BRINP3: variants seen among roughly 807,000 people sequenced by gnomAD.
The protein encoded by BRINP3 is BMP/retinoic acid inducible neural specific 3.
BRINP3 carries 19 observed loss-of-function variants against 71.0 expected under a neutral mutation model. The ratio of observed to expected loss-of-function variants is 0.27; its 90% CI spans 0.19 to 0.39. BRINP3 has a LOEUF of 0.39. Ranked by LOEUF, BRINP3 falls within the 10% of genes least tolerant of loss-of-function variation. The probability of loss-of-function intolerance (pLI) is 1.00; values close to 1 mark genes in which losing one functional copy is unlikely to be tolerated. For synonymous variants in BRINP3, 380 were observed against 337.7 expected, an observed-to-expected ratio of 1.13 and a Z score of -1.37; for missense variants, 959 against 940.8, an observed-to-expected ratio of 1.02 and a Z score of -0.25.
intron 4 of BRINP3, among the ~76,000 whole-genome samples, chr1:190,253,795 C>G (rs1660380796): frequency 6.6e-6 from 1 of 151,832 alleles, no homozygotes; most frequent in Non-Finnish European, 1.5e-5. Context: ...TGTATTTTGG[C>G]TTTTGTTGCC....
chr1:190,148,643 A>ATAAG (rs1413746422), intron 7 of BRINP3, among the ~76,000 whole-genome samples: 2 of 148,978 alleles, frequency 1.3e-5, no homozygotes, highest in African/African-American at 5.0e-5. Flanking sequence ...AAATAAATAA[A>ATAAG]TAAATAAATT....
intron 6 of BRINP3, among the ~76,000 whole-genome samples, chr1:190,183,937 A>G (rs1049009387): frequency 6.6e-6 from 1 of 152,132 alleles, no homozygotes; most frequent in African/African-American, 2.4e-5. Flanking sequence ...ATTGTTGTCT[A>G]TCTTGCTAGG....
At chr1:190,443,339 AGCTT>A (rs2102569093) in intron 2 of BRINP3, among the ~76,000 whole-genome samples, 1 of 151,080 alleles carries the variant, frequency 6.6e-6, no homozygotes, top group East Asian at 2.0e-4. Context: ...AGGGAGGCGG[AGCTT>A]GCAGTGAGCC....
In BRINP3 at chr1:190,356,895, T is replaced by C. The variant is rs377234987; in HGVS notation, c.237-75145A>G. On this transcript the variant is annotated intron_variant, in intron 2 of 7. Coordinates refer to ENST00000367462, the MANE Select transcript of BRINP3 (RefSeq NM_199051.3). ...TTAATAAATATGTGGTTGACTTCAGTAATTTCATTAGGCAAGATTCACTCA... is the reference window on the plus strand; with the variant it reads ...TTAATAAATATGTGGTTGACTTCAGCAATTTCATTAGGCAAGATTCACTCA... Among the ~76,000 whole-genome samples the C allele has an allele frequency of 9.9e-5, 15 of 152,144 alleles. No homozygotes were observed. In the East Asian group the frequency reaches 2.5e-3, roughly 26 times the overall value.
At chr1:190,298,184 C>T (rs1381776530) in intron 2 of BRINP3, among the ~76,000 whole-genome samples, 2 of 152,108 alleles carry the variant, frequency 1.3e-5, no homozygotes, top group East Asian at 3.8e-4. Context: ...TTGTGTAGTG[C>T]TAACCACTGT....
chr1:190,234,280 T>C (rs1658304441), intron 5 of BRINP3, 92 bp downstream of exon 5: 15 of 791,314 alleles, frequency 1.9e-5, no homozygotes. Context: ...CCTGTATGTA[T>C]ATGCAGTTTA....
chr1:190,471,914 A>G (rs1343319764), intron 1 of BRINP3, among the ~76,000 whole-genome samples: 10 of 151,500 alleles, frequency 6.6e-5, no homozygotes. Flanking sequence ...TTTAAATTAC[A>G]CATATTGAAA....
chr1:190,249,476 A>G (rs1337918672), intron 4 of BRINP3, among the ~76,000 whole-genome samples: 3 of 151,938 alleles, frequency 2.0e-5, no homozygotes, highest in Admixed American at 1.3e-4. Context: ...TATTAAAACA[A>G]AAAAATTAAT....
At chr1:190,112,767 T>C (rs776677229) in intron 7 of BRINP3, among the ~76,000 whole-genome samples, 3 of 152,122 alleles carry the variant, frequency 2.0e-5, no homozygotes, top group Non-Finnish European at 4.4e-5. Context: ...ATTTCCCTAG[T>C]CCTCTAAATT....
chr1:190,251,215 T>G lies in BRINP3; in HGVS notation c.618+13650A>C, dbSNP rs1262645836. ...ATTTTTCTGTGTTAGAGCTTATTCC[T>G]GAGTCCTATGTATTTGCTTGAACTT... On this transcript the variant is annotated intron_variant, in intron 4 of 7. Coordinates refer to ENST00000367462, the MANE Select transcript of BRINP3 (RefSeq NM_199051.3). 2.6e-5 allele frequency among the ~76,000 whole-genome samples: 4 copies of G among 151,972 alleles called. No individual in the cohort carries two copies. In the Admixed American group the frequency reaches 2.6e-4, roughly 10 times the overall value.
intron 7 of BRINP3, among the ~76,000 whole-genome samples, chr1:190,140,483 A>G (rs1432588444): frequency 1.3e-5 from 2 of 152,150 alleles, no homozygotes; most frequent in Non-Finnish European, 2.9e-5. Flanking sequence ...ACACAGAACT[A>G]TATTTACACA....
At chr1:190,142,569 T>C (rs1655544868) in intron 7 of BRINP3, among the ~76,000 whole-genome samples, 1 of 152,178 alleles carries the variant, frequency 6.6e-6, no homozygotes, top group Non-Finnish European at 1.5e-5. Context: ...ATAGTTTATC[T>C]TGGATACTAA....
At chr1:190,258,447 T>C (rs975483979) in intron 4 of BRINP3, among the ~76,000 whole-genome samples, 14 of 151,894 alleles carry the variant, frequency 9.2e-5, no homozygotes, top group Admixed American at 2.0e-4. Flanking sequence ...TACAGAAAAT[T>C]CAATAAAACT....
At chr1:190,373,786 C>T (rs1471961488) in intron 2 of BRINP3, among the ~76,000 whole-genome samples, 1 of 151,544 alleles carries the variant, frequency 6.6e-6, no homozygotes. Context: ...TAGTTTGCTG[C>T]AGAAGTAATT....
intron 1 of BRINP3, among the ~76,000 whole-genome samples, chr1:190,455,843 C>G (rs1174135577): frequency 6.6e-6 from 1 of 152,076 alleles, no homozygotes; most frequent in Non-Finnish European, 1.5e-5. Flanking sequence ...GACGTATAAT[C>G]CCAGTATGGT....
intron 5 of BRINP3, among the ~76,000 whole-genome samples, chr1:190,231,991 T>A (rs1658039260): frequency 6.6e-6 from 1 of 152,062 alleles, no homozygotes; most frequent in South Asian, 2.1e-4. Flanking sequence ...AAAACTGTGA[T>A]AATTTCAGGA....
At chr1:190,242,423 G>A (rs1453700026) in intron 4 of BRINP3, among the ~76,000 whole-genome samples, 2 of 151,970 alleles carry the variant, frequency 1.3e-5, no homozygotes, top group Admixed American at 1.3e-4. Flanking sequence ...TATAGATACA[G>A]TTTAAAATAG....
Position 190,098,068 on chromosome 1 carries a change from C to T in BRINP3, c.2251G>A (p.Ala751Thr). Residue 751 changes from alanine to threonine, a missense_variant, in exon 8 of 8, where the codon GCC becomes ACC. Physicochemically the swap from Ala to Thr is moderately conservative, Grantham distance 58. Transcript: ENST00000367462. ...RIQSALQAFN[A>T]KLPNTMDYDT... ...TAATCCATTGTGTTTGGCAATTTGG[C>T]ATTAAACGCCTGCAGAGCAGATTGG... 6.2e-7 allele frequency: 1 copy of T among 1,613,762 alleles called. No individual in the cohort carries two copies. Among genetic ancestry groups the T allele is most frequent in the South Asian group, 1.1e-5 (1 of 90,994 alleles).
chr1:190,157,658 A>T (rs1299683794), intron 7 of BRINP3, among the ~76,000 whole-genome samples: 1 of 152,072 alleles, frequency 6.6e-6, no homozygotes, highest in Non-Finnish European at 1.5e-5. Context: ...TTATAATCAA[A>T]TAACAAGATC....
Sources: allele counts gnomAD v4.1 joint callset (sites outside exome capture counted in the v4.1 genomes callset), GRCh38; gene constraint gnomAD v4.1.1; transcripts MANE v1.5; gene names NCBI Gene and HGNC (gene_info 2026-07-23, HGNC 2026-07-21).